The following RPL11 variants were observed in gnomAD, a reference collection of about 807,000 sequenced individuals.
The protein encoded by RPL11 is ribosomal protein L11.
In RPL11, 3 loss-of-function variants were observed where a neutral mutation model predicts 24.1. The observed-to-expected ratio is 0.12, with a 90% confidence interval of 0.06 to 0.32. The LOEUF (loss-of-function observed/expected upper bound fraction) is 0.32, where lower values mean the gene tolerates loss of function less well. Ranked by LOEUF, RPL11 falls within the 10% of genes least tolerant of loss-of-function variation. The pLI, the probability that RPL11 is intolerant of heterozygous loss-of-function variation, is 1.00. For missense variants in RPL11, 146 were observed against 225.7 expected, an observed-to-expected ratio of 0.65 and a Z score of 2.26; for synonymous variants, 96 against 75.7, an observed-to-expected ratio of 1.27 and a Z score of -1.39.
intron 1 of RPL11, 152 bp downstream of exon 1, chr1:23,691,981 G>T (rs562234225): frequency 4.8e-6 from 5 of 1,052,476 alleles, no homozygotes; most frequent in East Asian, 2.4e-5. Context: ...AGCCAAGGAC[G>T]CAGGGTTGAA....
chr1:23,692,421 G>T lies in RPL11; in HGVS notation c.7-188G>T, dbSNP rs912758205. 6.2e-6 allele frequency: 4 copies of T among 649,830 alleles called. No individual in the cohort carries two copies. The African/African-American group carries it at 7.3e-5, about 12-fold the overall frequency. The allele number at this position is 649,830 out of a possible 1,614,324, so 40.3% of individuals were successfully genotyped here. A position where few individuals can be genotyped will look rare whatever the true frequency, so the allele number is the denominator to read the frequency against. On this transcript the variant is annotated intron_variant, in intron 1 of 5. Coordinates refer to ENST00000643754, the MANE Select transcript of RPL11 (RefSeq NM_000975.5). ...AGTTTTCTCTTCACCCGTTCCGTTC[G>T]TGGAGGAAGGATAGGTTCCGAGCTG...
At chr1:23,695,117 T>A (rs1386055311) in intron 4 of RPL11, 1 of 399,108 alleles carries the variant, frequency 2.5e-6, no homozygotes, top group Non-Finnish European at 4.7e-6. Context: ...GTGCCACATT[T>A]GGCCTATGGG....
intron 5 of RPL11, among the ~76,000 whole-genome samples, 194 bp downstream of exon 5, chr1:23,696,102 AC>A (rs1423011167): frequency 6.6e-6 from 1 of 152,172 alleles, no homozygotes; most frequent in Non-Finnish European, 1.5e-5. Flanking sequence ...TCTCCCTGTC[AC>A]CATGAATGGG....
intron 3 of RPL11, among the ~76,000 whole-genome samples, 165 bp downstream of exon 3, chr1:23,694,078 T>C (rs1456121854): frequency 2.0e-5 from 3 of 152,118 alleles, no homozygotes; most frequent in Non-Finnish European, 4.4e-5. Context: ...TCTTGGTGGT[T>C]TAAAAGATGC....
intron 2 of RPL11, 120 bp downstream of exon 2, chr1:23,692,879 C>A: frequency 1.8e-5 from 22 of 1,220,676 alleles, no homozygotes; most frequent in Non-Finnish European, 2.3e-5. Flanking sequence ...GCATTAAATT[C>A]ATGAGCCGGC....
chr1:23,693,111 G>A (rs528766784), intron 2 of RPL11, among the ~76,000 whole-genome samples: 141 of 152,240 alleles, frequency 9.3e-4, no homozygotes, highest in African/African-American at 3.3e-3. Context: ...GGCTGTACGG[G>A]AGCATGAGGC....
intron 1 of RPL11, 64 bp from the exon 2 acceptor site, chr1:23,692,545 G>A: frequency 2.5e-6 from 4 of 1,600,204 alleles, no homozygotes; most frequent in Non-Finnish European, 3.4e-6. Flanking sequence ...TGTGCAGATA[G>A]AAAGTAGTAA....
At chr1:23,692,545 G>C in intron 1 of RPL11, 64 bp from the exon 2 acceptor site, 1 of 1,600,204 alleles carries the variant, frequency 6.2e-7, no homozygotes, top group Non-Finnish European at 8.6e-7. Flanking sequence ...TGTGCAGATA[G>C]AAAGTAGTAA....
At position 23,695,863 on chromosome 1, in the gene RPL11, A is replaced by G. The variant is rs1442058991; in HGVS notation, c.462A>G (p.Lys154=). 6 of 1,599,442 alleles carry G rather than the reference A, an allele frequency of 3.8e-6. No individual in the cohort carries two copies. Among genetic ancestry groups the G allele is most frequent in the Non-Finnish European group, 5.1e-6 (6 of 1,173,046 alleles). ...GCAGGACAGGCTGCATTGGGGCCAA[A>G]CACAGAATCAGCAAAGAGGAGGCCA... ...KKRRTGCIGA[K]HRISKEEAMR... The change falls in exon 5 of 6, where the codon AAA becomes AAG. Residue 154 remains lysine (K), a synonymous_variant. Transcript: ENST00000643754.
chr1:23,691,948 C>A, intron 1 of RPL11, 119 bp downstream of exon 1: 1 of 1,330,768 alleles, frequency 7.5e-7, no homozygotes, highest in Non-Finnish European at 1.1e-6. Context: ...TGCCTGCTGG[C>A]CCAAAACTAG....
chr1:23,692,894 A>C, intron 2 of RPL11, 135 bp downstream of exon 2: 1 of 960,930 alleles, frequency 1.0e-6, no homozygotes, highest in Non-Finnish European at 1.5e-6. Context: ...GCCGGCCAAG[A>C]GGTGTCTTTT....
rs945773634 is a variant in RPL11 at position 23,694,851 on chromosome 1, A to C, written c.396+60A>C. The C allele has an allele frequency of 5.6e-6, 9 of 1,610,340 alleles. No individual in the cohort carries two copies. In the African/African-American group the frequency reaches 9.4e-5, roughly 17 times the overall value. On this transcript the variant is annotated intron_variant, in intron 4 of 5. Coordinates refer to ENST00000643754, the MANE Select transcript of RPL11 (RefSeq NM_000975.5). ...GTGAGGAGAGGGGAATCTTTATTTC[A>C]TATGTGGTATGTTGGTGTTCACATG...
rs542148988 is a variant in RPL11, at chr1:23,695,750, C to T, written c.397-48C>T. ...GTAATGTGTGAGTCTTGTCCATCTG[C>T]TCTTGACTCTGAGCTGGCTAGGTGA... On this transcript the variant is annotated intron_variant, in intron 4 of 5. Transcript: ENST00000643754. 2.0e-6 allele frequency: 3 copies of T among 1,511,572 alleles called. No homozygotes were observed. The East Asian group carries it at 7.3e-5, about 37-fold the overall frequency. The allele number at this position is 1,511,572 out of a possible 1,614,324, so 93.6% of individuals were successfully genotyped here.
intron 5 of RPL11, 165 bp downstream of exon 5, chr1:23,696,073 A>G: frequency 1.3e-6 from 1 of 787,116 alleles, no homozygotes; most frequent in Non-Finnish European, 2.2e-6. Context: ...GGTTTAAAAG[A>G]ACATCCAGAA....
chr1:23,696,199 C>A, intron 5 of RPL11, 145 bp from the exon 6 acceptor site: 1 of 840,880 alleles, frequency 1.2e-6, no homozygotes, highest in Non-Finnish European at 2.0e-6. Flanking sequence ...TAAAAACCAG[C>A]CAGCTTCCTA....
At chr1:23,694,100 C>T (rs941510453) in intron 3 of RPL11, among the ~76,000 whole-genome samples, 187 bp downstream of exon 3, 3 of 152,122 alleles carry the variant, frequency 2.0e-5, no homozygotes, top group African/African-American at 4.8e-5. Context: ...TGAGGCTGGG[C>T]ACGGTGGCTC....
intron 1 of RPL11, chr1:23,692,301 T>C: frequency 2.3e-6 from 1 of 435,434 alleles, no homozygotes; most frequent in Non-Finnish European, 4.2e-6. Flanking sequence ...TCACTCCCCT[T>C]AGTTGGCCTT....
Position 23,694,820 on chromosome 1 carries a change from T to G in RPL11, c.396+29T>G, listed in dbSNP as rs535398404. On this transcript the variant is annotated intron_variant, in intron 4 of 5. Transcript: ENST00000643754. ...TGAATATTTAATCTTTTCCCGCTCC[T>G]GGTCTGTGAGGAGAGGGGAATCTTT... The G allele has an allele frequency of 5.0e-6, 8 of 1,614,174 alleles. No individual in the cohort carries two copies. The Admixed American group carries it at 6.7e-5, about 13-fold the overall frequency.
intron 1 of RPL11, chr1:23,692,382 CAA>C: frequency 1.8e-6 from 1 of 550,140 alleles, no homozygotes; most frequent in South Asian, 2.0e-5. Context: ...TTTTAACACT[CAA>C]TAACTGTCCT....
Sources: allele counts gnomAD v4.1 joint callset (sites outside exome capture counted in the v4.1 genomes callset), GRCh38; gene constraint gnomAD v4.1.1; transcripts MANE v1.5; gene names NCBI Gene and HGNC (gene_info 2026-07-23, HGNC 2026-07-21).